Variants in PRKN observed in about 807,000 individuals in gnomAD.
The protein encoded by PRKN is E3 ubiquitin-protein ligase parkin.
Under a neutral mutation model 59.5 loss-of-function variants are expected in PRKN, and 56 were observed. The observed-to-expected ratio is 0.94, with a 90% CI of 0.76 to 1.18. The LOEUF (loss-of-function observed/expected upper bound fraction) is 1.18. Among genes scored for constraint, PRKN ranks in the 50% most tolerant of loss-of-function variants. PRKN has a pLI of 0.00. For missense variants in PRKN, 657 were observed against 596.4 expected (o/e 1.10, Z -1.06); for synonymous variants, 250 against 222.1 (o/e 1.13, Z -1.12).
intron 1 of PRKN, among the ~76,000 whole-genome samples, chr6:162,669,065 A>G (rs1357685982): frequency 6.6e-6 from 1 of 152,136 alleles, no homozygotes; most frequent in Non-Finnish European, 1.5e-5. Context: ...GTAACAGGAA[A>G]GATTGAGTTT....
chr6:161,507,810 C>T (rs1179729938), intron 9 of PRKN, among the ~76,000 whole-genome samples: 1 of 152,168 alleles, frequency 6.6e-6, no homozygotes, highest in South Asian at 2.1e-4. Flanking sequence ...ATTTTCATAA[C>T]GGGTTTTCAC....
intron 8 of PRKN, among the ~76,000 whole-genome samples, chr6:161,558,069 C>T (rs573029793): frequency 4.6e-5 from 7 of 152,248 alleles, no homozygotes; most frequent in South Asian, 2.1e-4. Context: ...ACCACGGCAC[C>T]GACACTTTGC....
At chr6:161,680,769 ATATATATT>A (rs1432846824) in intron 7 of PRKN, among the ~76,000 whole-genome samples, 1 of 13,060 alleles carries the variant, frequency 7.7e-5, no homozygotes, top group African/African-American at 2.0e-4. Context: ...ATATATATAT[ATATATATT>A]TTTTTTTTTT....
Position 161,760,136 on chromosome 6 carries a change from G to A in PRKN, c.871+25636C>T, listed in dbSNP as rs552672878. Among the ~76,000 whole-genome samples the A allele has an allele frequency of 4.4e-4, 65 of 146,314 alleles. 2 individuals are homozygous for A. The South Asian group carries it at 0.011, about 25-fold the overall frequency. ...GCTAACTTTATTTTCTATTTATATC[G>A]TCCACTTTATGAATACCCTTTTCCT... On this transcript the variant is annotated intron_variant, in intron 7 of 11. Transcript: ENST00000366898.
At chr6:162,112,461 C>A (rs1319352053) in intron 4 of PRKN, among the ~76,000 whole-genome samples, 3 of 152,094 alleles carry the variant, frequency 2.0e-5, no homozygotes, top group Non-Finnish European at 4.4e-5. Flanking sequence ...CAAAAAGTCA[C>A]AAAAGAATTG....
chr6:162,128,595 C>T (rs1781217535), intron 4 of PRKN, among the ~76,000 whole-genome samples: 1 of 152,170 alleles, frequency 6.6e-6, no homozygotes. Context: ...ATTTATACTA[C>T]AAGTATCCTG....
intron 7 of PRKN, among the ~76,000 whole-genome samples, chr6:161,641,188 T>C (rs1294217505): frequency 6.6e-6 from 1 of 152,234 alleles, no homozygotes; most frequent in African/African-American, 2.4e-5. Context: ...GCCTAGGGAC[T>C]AGACTGCTTT....
At chr6:162,224,694 G>A (rs879664844) in intron 3 of PRKN, among the ~76,000 whole-genome samples, 2 of 152,084 alleles carry the variant, frequency 1.3e-5, no homozygotes, top group African/African-American at 4.8e-5. Context: ...GTAGGCCTGG[G>A]GAATTGGATG....
chr6:161,986,395 T>G (rs2096814), intron 5 of PRKN, among the ~76,000 whole-genome samples: 41,892 of 151,976 alleles, frequency 0.28, 6,154 homozygotes, highest in African/African-American at 0.39. Context: ...CTTGAGCTAA[T>G]CCCCAATTTA....
rs1791317427 is a variant in PRKN, at chr6:161,480,107, G to A, written c.1083+68747C>T. Among the ~76,000 whole-genome samples the A allele has an allele frequency of 6.6e-6, 1 of 152,212 alleles. No homozygotes were observed. The highest frequency in any genetic ancestry group is 2.4e-5 in the African/African-American group (1 of 41,456). ...TTCAGCCGTGTGCAGGCCATAGCAT[G>A]AGCGAGAAATGAACTTTTGTTGGGT... On this transcript the variant is annotated intron_variant, in intron 9 of 11. Coordinates refer to ENST00000366898, the MANE Select transcript of PRKN (RefSeq NM_004562.3). The surrounding 1 kb of genome is among the most constrained non-coding windows in gnomAD (Gnocchi z 4.1).
At chr6:161,716,002 T>C in intron 7 of PRKN, 1 of 787,696 alleles carries the variant, frequency 1.3e-6, no homozygotes, top group Non-Finnish European at 1.9e-6. Flanking sequence ...GTGATCTATA[T>C]TTAACAAGCT....
chr6:161,426,967 C>T (rs1456079190), intron 9 of PRKN, among the ~76,000 whole-genome samples: 2 of 152,082 alleles, frequency 1.3e-5, no homozygotes, highest in East Asian at 3.9e-4. Context: ...GATCTGCCCA[C>T]CTCAGCCTCC....
chr6:162,239,937 ACAAG>A (rs1486464216), intron 3 of PRKN, among the ~76,000 whole-genome samples: 9 of 152,184 alleles, frequency 5.9e-5, no homozygotes, highest in Non-Finnish European at 1.3e-4. Flanking sequence ...GTCTGTGTTC[ACAAG>A]TTATCTTCCT....
At chr6:162,289,097 A>G (rs1232760418) in intron 2 of PRKN, among the ~76,000 whole-genome samples, 1 of 152,146 alleles carries the variant, frequency 6.6e-6, no homozygotes, top group Non-Finnish European at 1.5e-5. Context: ...AACAACAGAA[A>G]TGCACTGTCT....
chr6:161,692,270 G>C (rs893324292), intron 7 of PRKN, among the ~76,000 whole-genome samples: 9 of 151,810 alleles, frequency 5.9e-5, no homozygotes, highest in Non-Finnish European at 7.4e-5. Flanking sequence ...TATATACCAA[G>C]AGGAAAAAAA....
chr6:162,379,945 G>C (rs1164405885), intron 2 of PRKN, among the ~76,000 whole-genome samples: 2 of 152,146 alleles, frequency 1.3e-5, no homozygotes, highest in African/African-American at 2.4e-5. Context: ...CAATCCAAGG[G>C]AGACAGCGTT....
intron 6 of PRKN, among the ~76,000 whole-genome samples, chr6:161,945,380 C>T (rs1037961003): frequency 3.3e-5 from 5 of 152,110 alleles, no homozygotes; most frequent in African/African-American, 1.2e-4. Flanking sequence ...AGAATGTTTT[C>T]TTTGAATGAG....
intron 1 of PRKN, among the ~76,000 whole-genome samples, chr6:162,553,751 G>A (rs369840755): frequency 1.3e-3 from 181 of 136,532 alleles, no homozygotes; most frequent in East Asian, 0.01. Context: ...GCAGTGAGAC[G>A]AGATTGCATC....
intron 6 of PRKN, among the ~76,000 whole-genome samples, chr6:161,814,284 A>G (rs780617296): frequency 1.4e-4 from 21 of 152,232 alleles, no homozygotes; most frequent in Non-Finnish European, 2.8e-4. Context: ...CCAGACTGAC[A>G]TAACGGTGCC....
Sources: allele counts gnomAD v4.1 joint callset (sites outside exome capture counted in the v4.1 genomes callset), GRCh38; gene constraint gnomAD v4.1.1; non-coding constraint Gnocchi (gnomAD v3.1); transcripts MANE v1.5; gene names NCBI Gene and HGNC (gene_info 2026-07-23, HGNC 2026-07-21).